Variants in AGBL3 observed in about 807,000 individuals in gnomAD.
The protein encoded by AGBL3 is AGBL carboxypeptidase 3.
Under a neutral mutation model 94.5 loss-of-function variants are expected in AGBL3, and 68 were observed. The observed-to-expected ratio is 0.72, with a 90% CI of 0.59 to 0.88. The LOEUF (loss-of-function observed/expected upper bound fraction) is 0.88. Ranked by LOEUF, AGBL3 falls within the 40% of genes least tolerant of loss-of-function variation. The pLI, the probability that AGBL3 is intolerant of heterozygous loss-of-function variation, is 0.00. For synonymous variants in AGBL3, 354 were observed against 370.7 expected, an observed-to-expected ratio of 0.95 and a Z score of 0.52; for missense variants, 934 against 1,103.8, an observed-to-expected ratio of 0.85 and a Z score of 2.18.
intron 16 of AGBL3, chr7:135,128,553 A>C (rs1190317990): frequency 1.3e-6 from 1 of 768,070 alleles, no homozygotes; most frequent in Non-Finnish European, 2.4e-6. Flanking sequence ...ACCAGGATCT[A>C]TTTGGATTTG....
intron 16 of AGBL3, among the ~76,000 whole-genome samples, chr7:135,118,215 G>A (rs1162501247): frequency 1.3e-5 from 2 of 151,910 alleles, no homozygotes; most frequent in Non-Finnish European, 2.9e-5. Context: ...AACCAAAGAG[G>A]TCTTAGTTAA....
intron 15 of AGBL3, among the ~76,000 whole-genome samples, chr7:135,114,492 G>T (rs1826045403): frequency 1.6e-5 from 2 of 121,316 alleles, no homozygotes; most frequent in Admixed American, 1.9e-4. Flanking sequence ...ATAAAGAAGG[G>T]ATTTCTAACA....
At chr7:135,042,966 T>C (rs1817009095) in intron 8 of AGBL3, among the ~76,000 whole-genome samples, 1 of 152,168 alleles carries the variant, frequency 6.6e-6, no homozygotes, top group Non-Finnish European at 1.5e-5. Flanking sequence ...AATTTTATCG[T>C]ATGTTACTGA....
intron 15 of AGBL3, among the ~76,000 whole-genome samples, chr7:135,095,026 A>G (rs1400470416): frequency 1.3e-5 from 2 of 152,188 alleles, no homozygotes; most frequent in Admixed American, 1.3e-4. Flanking sequence ...CAGCAGTTCA[A>G]CATGGAGTAA....
At position 135,060,252 on chromosome 7, in the gene AGBL3, ATTC is replaced by A. The variant is rs573519285; in HGVS notation, c.1908+1021_1908+1023del. Among the ~76,000 whole-genome samples, 455 of 152,272 alleles carry A rather than the reference ATTC, an allele frequency of 3.0e-3. 4 individuals carry two copies. The highest frequency in any genetic ancestry group is 5.3e-3 in the Non-Finnish European group (359 of 68,028). On this transcript the variant is annotated intron_variant, in intron 12 of 16. Transcript: ENST00000436302. ...TCACTTCTACATAATTTGTGTCATC[ATTC>A]TTCAATTCATTTATTTTTAATAAGT...
chr7:135,031,578 T>C (rs532589925), intron 5 of AGBL3, among the ~76,000 whole-genome samples: 6 of 152,300 alleles, frequency 3.9e-5, no homozygotes, highest in African/African-American at 1.2e-4. Context: ...CTTTTAAACA[T>C]TACGTTGAAT....
Position 135,080,218 on chromosome 7 carries a change from C to CATTT in AGBL3, c.1997_2000dup (p.Leu668PhefsTer11), listed in dbSNP as rs780272655. ...ATTCCATTAGGTTTATGATAGAGGG[C>CATTT]ATTTGCTGCAAAGACACACACAATC... On this transcript the variant is annotated frameshift_variant, in exon 14 of 17. Coordinates refer to ENST00000436302, the MANE Select transcript of AGBL3 (RefSeq NM_178563.4). LOFTEE classifies it high-confidence loss of function. The CATTT allele has an allele frequency of 7.1e-6, 11 of 1,548,856 alleles. No homozygotes were observed. The highest frequency in any genetic ancestry group is 9.6e-6 in the Non-Finnish European group (11 of 1,144,752).
At chr7:135,035,033 T>C in intron 7 of AGBL3, 105 bp downstream of exon 7, 1 of 1,025,784 alleles carries the variant, frequency 9.7e-7, no homozygotes, top group Non-Finnish European at 1.3e-6. Flanking sequence ...CAAGATAGTC[T>C]AACTACTGTA....
chr7:135,129,159 T>C, intron 16 of AGBL3: 1 of 1,470,530 alleles, frequency 6.8e-7, no homozygotes, highest in South Asian at 1.1e-5. Context: ...TCTCCTCCAG[T>C]CCACCTTGGA....
At chr7:134,998,832 G>GA (rs938275962) in intron 4 of AGBL3, among the ~76,000 whole-genome samples, 8 of 150,532 alleles carry the variant, frequency 5.3e-5, no homozygotes, top group East Asian at 3.9e-4. Context: ...CCCCAGGCTG[G>GA]AAAAAAAAAG....
intron 11 of AGBL3, among the ~76,000 whole-genome samples, chr7:135,057,331 T>C (rs1203783265): frequency 6.6e-6 from 1 of 152,100 alleles, no homozygotes; most frequent in Non-Finnish European, 1.5e-5. Flanking sequence ...AGCTAAATTC[T>C]CTTGAATTTG....
In AGBL3 at chr7:135,089,842, T is replaced by C. The variant is rs189602973; in HGVS notation, c.2110+8052T>C. On this transcript the variant is annotated intron_variant, in intron 15 of 16. Transcript: ENST00000436302. Reference sequence around the variant, plus strand: ...GTGTGGGGTTCCAGGTGCAGGTGCTTGGAGTGGTTGTGGGACCAGGGTCTT... The same window carrying C: ...GTGTGGGGTTCCAGGTGCAGGTGCTCGGAGTGGTTGTGGGACCAGGGTCTT... 3.3e-5 allele frequency among the ~76,000 whole-genome samples: 5 copies of C among 152,270 alleles called. No homozygotes were observed. In the East Asian group the frequency reaches 5.8e-4, roughly 18 times the overall value.
chr7:135,017,208 G>T, intron 5 of AGBL3, 49 bp downstream of exon 5: 1 of 1,285,356 alleles, frequency 7.8e-7, no homozygotes, highest in Non-Finnish European at 1.1e-6. Flanking sequence ...TTGGTACTTA[G>T]GTTAATCTCT....
At chr7:135,108,745 A>G (rs755571072) in intron 15 of AGBL3, among the ~76,000 whole-genome samples, 28 of 152,294 alleles carry the variant, frequency 1.8e-4, no homozygotes, top group Non-Finnish European at 3.8e-4. Flanking sequence ...TGGCCTCTCT[A>G]GCAAAGTTGG....
At chr7:135,060,462 A>G (rs1288086297) in intron 12 of AGBL3, among the ~76,000 whole-genome samples, 2 of 152,178 alleles carry the variant, frequency 1.3e-5, no homozygotes, top group African/African-American at 4.8e-5. Context: ...GTTGTTAACT[A>G]TAGTCACAAT....
chr7:135,059,375 A>G (rs1024023713), intron 12 of AGBL3, 140 bp downstream of exon 12: 41 of 520,898 alleles, frequency 7.9e-5, no homozygotes, highest in Non-Finnish European at 1.3e-4. Context: ...GATATTTTAA[A>G]TCATAGAATT....
chr7:134,993,636 C>T lies in AGBL3; in HGVS notation c.268C>T (p.Pro90Ser). The T allele has an allele frequency of 6.4e-7, 1 of 1,552,038 alleles. No individual in the cohort carries two copies. The highest frequency in any genetic ancestry group is 8.7e-7 in the Non-Finnish European group (1 of 1,147,032). Residue 90 changes from proline (P) to serine (S), a missense_variant, in exon 4 of 17, where the codon CCA becomes TCA. This residue lies in a region of AGBL3 where 488 missense variants were observed against 563.6 expected (regional missense o/e 0.87). Coordinates refer to ENST00000436302, the MANE Select transcript of AGBL3 (RefSeq NM_178563.4). ...TGGTCCATTGAGCCCAACACGGTGGCCATACCATTGTGAAGTCATCGATGA... is the reference window on the plus strand; with the variant it reads ...TGGTCCATTGAGCCCAACACGGTGGTCATACCATTGTGAAGTCATCGATGA... Reference protein sequence around the residue: ...SSGPLSPTRWPYHCEVIDEKV... With the variant: ...SSGPLSPTRWSYHCEVIDEKV...
chr7:134,990,835 C>A (rs1285151209), intron 3 of AGBL3, among the ~76,000 whole-genome samples: 2 of 152,166 alleles, frequency 1.3e-5, no homozygotes, highest in African/African-American at 4.8e-5. Context: ...TCTGGGTTAT[C>A]TTGATGTTAA....
chr7:134,999,917 C>T (rs1381461607), intron 4 of AGBL3, among the ~76,000 whole-genome samples: 2 of 152,180 alleles, frequency 1.3e-5, no homozygotes, highest in Non-Finnish European at 2.9e-5. Flanking sequence ...TTGGAACTGC[C>T]ATCAGTCAAC....
Sources: allele counts gnomAD v4.1 joint callset (sites outside exome capture counted in the v4.1 genomes callset), GRCh38; gene constraint gnomAD v4.1.1; regional missense constraint gnomAD v4.1.1; transcripts MANE v1.5; gene names NCBI Gene and HGNC (gene_info 2026-07-23, HGNC 2026-07-21).